The following TP63 variants were observed in gnomAD, a reference collection of about 807,000 sequenced individuals.
TP63 encodes the protein tumor protein 63.
TP63 carries 17 observed loss-of-function variants against 82.8 expected under a neutral mutation model. The ratio of observed to expected loss-of-function variants is 0.21; its 90% confidence interval spans 0.14 to 0.31. The LOEUF (loss-of-function observed/expected upper bound fraction) is 0.31. Among genes scored for constraint, TP63 ranks in the 10% least tolerant of loss-of-function variants. TP63 has a pLI of 1.00. For missense variants in TP63, 648 were observed against 895.3 expected (o/e 0.72, Z 3.52); for synonymous variants, 330 against 321.7 (o/e 1.03, Z -0.28).
chr3:189,647,985 G>C (rs1315719647), intron 1 of TP63, among the ~76,000 whole-genome samples: 1 of 108,136 alleles, frequency 9.2e-6, no homozygotes, highest in East Asian at 3.5e-4. Flanking sequence ...ATTTCACATA[G>C]AAAGATTAAA....
chr3:189,757,568 G>T (rs1354320022), intron 3 of TP63, among the ~76,000 whole-genome samples: 2 of 152,140 alleles, frequency 1.3e-5, no homozygotes, highest in Admixed American at 6.5e-5. Context: ...TTTGGAAACA[G>T]TGAATTATTA....
intron 3 of TP63, among the ~76,000 whole-genome samples, chr3:189,754,077 T>C (rs1560159231): frequency 6.6e-6 from 1 of 152,184 alleles, no homozygotes; most frequent in Non-Finnish European, 1.5e-5. Flanking sequence ...TTGACTATAA[T>C]ATTTATTATT....
intron 3 of TP63, among the ~76,000 whole-genome samples, chr3:189,793,630 G>T (rs1725390583): frequency 6.6e-6 from 1 of 152,072 alleles, no homozygotes; most frequent in African/African-American, 2.4e-5. Context: ...TGGTAGAATA[G>T]AGGGGCACAG....
intron 3 of TP63, among the ~76,000 whole-genome samples, chr3:189,770,587 C>T (rs1723268016): frequency 6.6e-6 from 1 of 151,922 alleles, no homozygotes; most frequent in Non-Finnish European, 1.5e-5. Flanking sequence ...ATTACTTTGA[C>T]ATCTATTAAG....
chr3:189,707,325 T>G (rs1373217208), intron 1 of TP63, among the ~76,000 whole-genome samples: 2 of 152,202 alleles, frequency 1.3e-5, no homozygotes, highest in Non-Finnish European at 2.9e-5. Context: ...TTTTCTGAAT[T>G]TGCCACAGAG....
chr3:189,797,055 C>T (rs993308928), intron 3 of TP63, among the ~76,000 whole-genome samples: 4 of 152,138 alleles, frequency 2.6e-5, no homozygotes, highest in South Asian at 2.1e-4. Flanking sequence ...AAGAATAAAA[C>T]ATTTTTGGAA....
chr3:189,645,423 T>C (rs112952240), intron 1 of TP63: 31 of 423,080 alleles, frequency 7.3e-5, no homozygotes, highest in African/African-American at 5.3e-4. Context: ...TACTCCATGG[T>C]CTTCCAGCTG....
intron 3 of TP63, among the ~76,000 whole-genome samples, chr3:189,765,374 G>A (rs1722861898): frequency 7.0e-6 from 1 of 142,940 alleles, no homozygotes; most frequent in Non-Finnish European, 1.5e-5. Context: ...GAAATCCTTT[G>A]ACATAAAAAG....
At chr3:189,683,795 G>A (rs1406478224) in intron 1 of TP63, among the ~76,000 whole-genome samples, 1 of 152,142 alleles carries the variant, frequency 6.6e-6, no homozygotes, top group African/African-American at 2.4e-5. Flanking sequence ...CACTACTTCA[G>A]AATTTATAGA....
intron 1 of TP63, among the ~76,000 whole-genome samples, chr3:189,664,821 C>T (rs1352533474): frequency 6.6e-6 from 1 of 151,978 alleles, no homozygotes; most frequent in South Asian, 2.1e-4. Flanking sequence ...AATCCATAGC[C>T]TTTTATGTGT....
intron 3 of TP63, among the ~76,000 whole-genome samples, chr3:189,746,778 A>G (rs1721408490): frequency 6.7e-6 from 1 of 150,288 alleles, no homozygotes; most frequent in African/African-American, 2.4e-5. Flanking sequence ...CCCAACTATA[A>G]TATCTATTAA....
At chr3:189,645,131 G>A (rs1712296508) in intron 1 of TP63, among the ~76,000 whole-genome samples, 1 of 152,126 alleles carries the variant, frequency 6.6e-6, no homozygotes, top group South Asian at 2.1e-4. Context: ...CAAGTACTAA[G>A]TTGAATTTCC....
chr3:189,866,165 C>T (rs972109272), intron 5 of TP63, among the ~76,000 whole-genome samples: 13 of 152,226 alleles, frequency 8.5e-5, no homozygotes, highest in Non-Finnish European at 1.0e-4. Flanking sequence ...AACACCAGAA[C>T]GTTTCTTATC....
chr3:189,868,836 C>G, intron 8 of TP63, 120 bp downstream of exon 8: 1 of 1,513,300 alleles, frequency 6.6e-7, no homozygotes, highest in Non-Finnish European at 9.2e-7. Context: ...AGTGGGACGT[C>G]AGCCCTCAGA....
At chr3:189,884,213 A>C (rs1720205734) in intron 10 of TP63, among the ~76,000 whole-genome samples, 1 of 152,192 alleles carries the variant, frequency 6.6e-6, no homozygotes, top group Non-Finnish European at 1.5e-5. Flanking sequence ...CTATACTCTG[A>C]TGTGGACTAA....
chr3:189,826,870 A>G (rs1033941752), intron 4 of TP63, among the ~76,000 whole-genome samples: 10 of 152,218 alleles, frequency 6.6e-5, no homozygotes, highest in African/African-American at 2.4e-4. Flanking sequence ...ACTGAACAGC[A>G]CCTTTAGTTT....
intron 3 of TP63, among the ~76,000 whole-genome samples, chr3:189,807,716 C>T (rs1293344895): frequency 6.6e-6 from 1 of 152,190 alleles, no homozygotes; most frequent in East Asian, 1.9e-4. Flanking sequence ...TTTGTGAAAC[C>T]AGTCCTTAGG....
At chr3:189,790,442 G>C (rs1307914418) in intron 3 of TP63, among the ~76,000 whole-genome samples, 1 of 151,906 alleles carries the variant, frequency 6.6e-6, no homozygotes, top group Non-Finnish European at 1.5e-5. Flanking sequence ...TATTTTGGAG[G>C]GATGCATTGT....
chr3:189,756,100 G>A (rs1722168897), intron 3 of TP63, among the ~76,000 whole-genome samples: 1 of 152,118 alleles, frequency 6.6e-6, no homozygotes, highest in Non-Finnish European at 1.5e-5. Flanking sequence ...CATGGGAATG[G>A]ACATAATATT....
Sources: allele counts gnomAD v4.1 joint callset (sites outside exome capture counted in the v4.1 genomes callset), GRCh38; gene constraint gnomAD v4.1.1; transcripts MANE v1.5; gene names NCBI Gene and HGNC (gene_info 2026-07-23, HGNC 2026-07-21).